ROBO2: variants seen among roughly 807,000 people sequenced by gnomAD.
The protein encoded by ROBO2 is roundabout guidance receptor 2.
Under a neutral mutation model 160.8 loss-of-function variants are expected in ROBO2, and 53 were observed. The ratio of observed to expected loss-of-function variants is 0.33; its 90% CI spans 0.26 to 0.41. The LOEUF (loss-of-function observed/expected upper bound fraction) is 0.41. Among genes scored for constraint, ROBO2 ranks in the 10% least tolerant of loss-of-function variants. The pLI is 1.00. For missense variants in ROBO2, 1,577 were observed against 1,722.4 expected (o/e 0.92, Z 1.49); for synonymous variants, 664 against 611.7 (o/e 1.09, Z -1.26).
chr3:76,331,941 C>T (rs573007106), intron 2 of ROBO2, among the ~76,000 whole-genome samples: 37 of 152,206 alleles, frequency 2.4e-4, no homozygotes, highest in African/African-American at 8.4e-4. Context: ...AGCTCGACCT[C>T]CCAAAATGCT....
At chr3:77,639,397 G>GA (rs1171639897) in intron 24 of ROBO2, among the ~76,000 whole-genome samples, 1 of 152,110 alleles carries the variant, frequency 6.6e-6, no homozygotes, top group Non-Finnish European at 1.5e-5. Context: ...ATGTTATGGG[G>GA]AAAAAACAAA....
intron 2 of ROBO2, among the ~76,000 whole-genome samples, chr3:76,776,064 CT>C (rs2062230556): frequency 6.6e-6 from 1 of 150,778 alleles, no homozygotes; most frequent in Admixed American, 6.6e-5. Flanking sequence ...ATCTAAACCC[CT>C]ATGTAACTTC....
At chr3:76,867,019 G>C (rs1469822436) in intron 2 of ROBO2, among the ~76,000 whole-genome samples, 1 of 152,132 alleles carries the variant, frequency 6.6e-6, no homozygotes, top group Non-Finnish European at 1.5e-5. Context: ...CGTAACAGTA[G>C]CTACATTTTA....
At chr3:76,191,560 ATTC>A (rs1298702694) in intron 2 of ROBO2, among the ~76,000 whole-genome samples, 4 of 152,078 alleles carry the variant, frequency 2.6e-5, no homozygotes, top group East Asian at 1.9e-4. Context: ...TTCTCAGTAT[ATTC>A]TTCTTTTTTA....
chr3:77,224,469 T>C (rs2086227695), intron 2 of ROBO2, among the ~76,000 whole-genome samples: 1 of 151,988 alleles, frequency 6.6e-6, no homozygotes, highest in African/African-American at 2.4e-5. Flanking sequence ...AAAATGCACA[T>C]AATAAAGTAC....
intron 2 of ROBO2, among the ~76,000 whole-genome samples, chr3:77,128,217 A>G (rs760823360): frequency 6.6e-6 from 1 of 152,176 alleles, no homozygotes; most frequent in African/African-American, 2.4e-5. Flanking sequence ...AAGGCCTCCT[A>G]GAGCTTATAT....
chr3:76,141,158 TCTA>T (rs2071644622), intron 2 of ROBO2, among the ~76,000 whole-genome samples: 1 of 66,808 alleles, frequency 1.5e-5, no homozygotes, highest in African/African-American at 6.2e-5. Context: ...TCTCTCTCTC[TCTA>T]TATATATATA....
At chr3:76,728,763 C>T (rs1026900237) in intron 2 of ROBO2, among the ~76,000 whole-genome samples, 3 of 152,114 alleles carry the variant, frequency 2.0e-5, no homozygotes, top group East Asian at 1.9e-4. Flanking sequence ...AATGGTAATT[C>T]GACAGTAAAA....
chr3:77,201,963 G>GTTTAGTTAGTAA (rs2082952778), intron 2 of ROBO2, among the ~76,000 whole-genome samples: 1 of 152,060 alleles, frequency 6.6e-6, no homozygotes, highest in South Asian at 2.1e-4. Flanking sequence ...CTTAAAAATT[G>GTTTAGTTAGTAA]TACATTTAGA....
intron 17 of ROBO2, among the ~76,000 whole-genome samples, chr3:77,591,835 G>A (rs1284426384): frequency 6.6e-6 from 1 of 152,102 alleles, no homozygotes; most frequent in Non-Finnish European, 1.5e-5. Context: ...TTTGAAATGA[G>A]AACTACCTCA....
chr3:77,263,419 T>C (rs558252123), intron 2 of ROBO2, among the ~76,000 whole-genome samples: 4 of 152,246 alleles, frequency 2.6e-5, no homozygotes, highest in South Asian at 4.1e-4. Flanking sequence ...GTCCATTATC[T>C]GATAGGCCTC....
chr3:77,600,694 C>T (rs2153691593), intron 19 of ROBO2, among the ~76,000 whole-genome samples: 1 of 152,104 alleles, frequency 6.6e-6, no homozygotes, highest in South Asian at 2.1e-4. Context: ...TGAAAAATCA[C>T]CCAGAATGAA....
intron 6 of ROBO2, among the ~76,000 whole-genome samples, chr3:77,539,976 G>T (rs1044621675): frequency 6.6e-6 from 1 of 152,200 alleles, no homozygotes; most frequent in African/African-American, 2.4e-5. Flanking sequence ...CTGAAATGCT[G>T]GAGCTAGTTT....
At chr3:76,452,045 T>C in intron 2 of ROBO2, among the ~76,000 whole-genome samples, 1 of 152,178 alleles carries the variant, frequency 6.6e-6, no homozygotes, top group East Asian at 1.9e-4. Flanking sequence ...AGAATATAAA[T>C]CAAAACTTGC....
At chr3:76,349,644 G>A (rs1302991221) in intron 2 of ROBO2, among the ~76,000 whole-genome samples, 1 of 152,088 alleles carries the variant, frequency 6.6e-6, no homozygotes. Context: ...GAGATTTCAC[G>A]TTACTTGCAA....
chr3:77,190,004 C>G (rs145303566), intron 2 of ROBO2, among the ~76,000 whole-genome samples: 1 of 151,882 alleles, frequency 6.6e-6, no homozygotes, highest in African/African-American at 2.4e-5. Flanking sequence ...TGTTAGCACT[C>G]TTGTCCGTGA....
At chr3:77,015,288 A>G (rs2062169521) in intron 2 of ROBO2, among the ~76,000 whole-genome samples, 1 of 152,216 alleles carries the variant, frequency 6.6e-6, no homozygotes, top group Non-Finnish European at 1.5e-5. Flanking sequence ...TAGCGGTGTC[A>G]CTTCTAAAAA....
intron 2 of ROBO2, among the ~76,000 whole-genome samples, chr3:76,779,730 T>G (rs1008548404): frequency 6.6e-6 from 1 of 151,002 alleles, no homozygotes; most frequent in Non-Finnish European, 1.5e-5. Context: ...AGTAAAAATT[T>G]TCCTTTTTTA....
chr3:76,288,752 G>A (rs1708656492), intron 2 of ROBO2, among the ~76,000 whole-genome samples: 1 of 152,054 alleles, frequency 6.6e-6, no homozygotes, highest in Non-Finnish European at 1.5e-5. Context: ...TTGATTTTCT[G>A]TTCATACATT....
Sources: gnomAD v4.1 joint callset for allele counts (sites outside exome capture counted in the v4.1 genomes callset) on GRCh38, gnomAD v4.1.1 for gene constraint, MANE v1.5 for transcripts, NCBI Gene and HGNC (gene_info 2026-07-23, HGNC 2026-07-21) for gene names.